The following CEP112 variants were observed in gnomAD, a reference collection of about 807,000 sequenced individuals.
The protein encoded by CEP112 is centrosomal protein of 112 kDa.
Under a neutral mutation model 153.0 loss-of-function variants are expected in CEP112, and 127 were observed. That is an observed-to-expected ratio of 0.83 (90% CI 0.72 to 0.96). The LOEUF (loss-of-function observed/expected upper bound fraction) is 0.96, where lower values mean the gene tolerates loss of function less well. Ranked by LOEUF, CEP112 falls within the 40% of genes least tolerant of loss-of-function variation. The pLI is 0.00. For missense variants in CEP112, 1,089 were observed against 1,101.2 expected, an observed-to-expected ratio of 0.99 and a Z score of 0.16; for synonymous variants, 358 against 374.4, an observed-to-expected ratio of 0.96 and a Z score of 0.51.
rs577163327 is a variant in CEP112, at chr17:65,905,444, GA to G, written c.1981-3111del. Among the ~76,000 whole-genome samples, 349 of 152,296 alleles carry G rather than the reference GA, an allele frequency of 2.3e-3. 6 individuals carry two copies. The highest frequency in any genetic ancestry group is 8.1e-3 in the African/African-American group (338 of 41,550). ...TAGAATGGTGATCATAAAAAGTCAG[GA>G]AACAACAGATGCTAGAGAGGATGTG... On this transcript the variant is annotated intron_variant, in intron 19 of 26. Coordinates refer to ENST00000535342, the MANE Select transcript of CEP112 (RefSeq NM_001199165.4).
chr17:65,738,954 G>A (rs1000373841), intron 23 of CEP112, among the ~76,000 whole-genome samples: 6 of 152,120 alleles, frequency 3.9e-5, no homozygotes, highest in Non-Finnish European at 5.9e-5. Context: ...TAGATTCTGG[G>A]CTGGCCCTAT....
intron 21 of CEP112, among the ~76,000 whole-genome samples, chr17:65,786,389 G>A (rs868518890): frequency 6.6e-6 from 1 of 151,442 alleles, no homozygotes; most frequent in Non-Finnish European, 1.5e-5. Context: ...CTTCCTTTCC[G>A]ATCGGGATGA....
chr17:65,846,606 T>C (rs2057733321), intron 21 of CEP112, among the ~76,000 whole-genome samples: 2 of 152,246 alleles, frequency 1.3e-5, no homozygotes, highest in Admixed American at 6.5e-5. Context: ...TCTCGCTCTG[T>C]TGCCTAGGCT....
chr17:66,017,983 G>C (rs1416410752), intron 16 of CEP112, among the ~76,000 whole-genome samples: 6 of 138,356 alleles, frequency 4.3e-5, no homozygotes, highest in Admixed American at 2.9e-4. Flanking sequence ...CTGGGCAACA[G>C]AGCAAGACTC....
chr17:65,943,651 T>G (rs1296631620), intron 18 of CEP112, among the ~76,000 whole-genome samples: 1 of 152,174 alleles, frequency 6.6e-6, no homozygotes, highest in Non-Finnish European at 1.5e-5. Context: ...ATTTTTTCCC[T>G]TCATTTCTAC....
chr17:65,786,940 CGT>C (rs764060866), intron 21 of CEP112, among the ~76,000 whole-genome samples: 2 of 151,972 alleles, frequency 1.3e-5, no homozygotes, highest in Non-Finnish European at 2.9e-5. Context: ...ATTTCTATGG[CGT>C]GTGTCAGAAA....
intron 9 of CEP112, among the ~76,000 whole-genome samples, chr17:66,069,275 C>T (rs1007813513): frequency 1.3e-5 from 2 of 151,858 alleles, no homozygotes; most frequent in African/African-American, 4.8e-5. Flanking sequence ...CACATACATA[C>T]ATTATTATCA....
At chr17:65,846,375 T>C (rs1379179249) in intron 21 of CEP112, among the ~76,000 whole-genome samples, 1 of 152,200 alleles carries the variant, frequency 6.6e-6, no homozygotes, top group East Asian at 1.9e-4. Flanking sequence ...TTTTAACTTA[T>C]TAAGTGATAT....
chr17:65,917,757 C>T (rs972083896), intron 19 of CEP112, among the ~76,000 whole-genome samples: 5 of 151,976 alleles, frequency 3.3e-5, no homozygotes, highest in Admixed American at 2.0e-4. Flanking sequence ...CAGCTCCCCA[C>T]GTGATGTGGG....
chr17:66,023,580 T>C (rs1247944495), intron 16 of CEP112, among the ~76,000 whole-genome samples: 1 of 152,090 alleles, frequency 6.6e-6, no homozygotes, highest in South Asian at 2.1e-4. Context: ...GTTCTAAACA[T>C]GTAAATGAAA....
chr17:66,064,545 G>A (rs187252585), intron 10 of CEP112, among the ~76,000 whole-genome samples: 15 of 151,898 alleles, frequency 9.9e-5, no homozygotes, highest in Middle Eastern at 3.4e-3. Flanking sequence ...CATTTACTTC[G>A]AGACAGCAAA....
At position 65,842,900 on chromosome 17, in the gene CEP112, T is replaced by G. The variant is rs145720171; in HGVS notation, c.2394+8904A>C. On this transcript the variant is annotated intron_variant, in intron 21 of 26. Coordinates refer to ENST00000535342, the MANE Select transcript of CEP112 (RefSeq NM_001199165.4). ...TGCCAATAATTATTTTTTAAGGTTT[T>G]TTTTGGCTTTTTAATTTTTTATTTC... Among the ~76,000 whole-genome samples the G allele has an allele frequency of 2.6e-5, 4 of 152,256 alleles. No homozygotes were observed. In the East Asian group the frequency reaches 7.7e-4, roughly 29 times the overall value.
At chr17:65,913,857 GT>G in intron 19 of CEP112, 1 of 985,232 alleles carries the variant, frequency 1.0e-6, no homozygotes, top group South Asian at 4.7e-5. Context: ...GCTATCTCCT[GT>G]GGTTATCTTC....
intron 17 of CEP112, among the ~76,000 whole-genome samples, chr17:65,983,178 T>C (rs2063290099): frequency 6.6e-6 from 1 of 152,152 alleles, no homozygotes; most frequent in Non-Finnish European, 1.5e-5. Flanking sequence ...GTACTAAATG[T>C]CACTGAATTG....
At chr17:65,869,277 T>C (rs2058575602) in intron 20 of CEP112, among the ~76,000 whole-genome samples, 1 of 152,254 alleles carries the variant, frequency 6.6e-6, no homozygotes, top group African/African-American at 2.4e-5. Flanking sequence ...CAATAAGGCA[T>C]ATTTGGTATT....
At chr17:65,770,647 T>C (rs903948690) in intron 21 of CEP112, among the ~76,000 whole-genome samples, 1 of 152,020 alleles carries the variant, frequency 6.6e-6, no homozygotes, top group Non-Finnish European at 1.5e-5. Context: ...AAAGCAATAA[T>C]AACAAATTGC....
Position 65,778,326 on chromosome 17 carries a change from C to T in CEP112, c.2395-27602G>A, listed in dbSNP as rs1049426577. ...GGATTAATGGGGCTTTTCCAGATCA[C>T]TTTTTTGCTTTGCAGTCTCTGTCCC... On this transcript the variant is annotated intron_variant, in intron 21 of 26. Coordinates refer to ENST00000535342, the MANE Select transcript of CEP112 (RefSeq NM_001199165.4). Among the ~76,000 whole-genome samples the T allele has an allele frequency of 5.3e-5, 8 of 152,292 alleles. 1 individual carries two copies. The South Asian group carries it at 6.2e-4, about 12-fold the overall frequency.
chr17:65,802,021 G>A (rs1273081535), intron 21 of CEP112, among the ~76,000 whole-genome samples: 1 of 152,060 alleles, frequency 6.6e-6, no homozygotes, highest in East Asian at 1.9e-4. Flanking sequence ...TTGTTGATGG[G>A]GACTTTTGTT....
chr17:66,043,455 C>T (rs2066070741), intron 12 of CEP112, among the ~76,000 whole-genome samples: 1 of 152,008 alleles, frequency 6.6e-6, no homozygotes, highest in Non-Finnish European at 1.5e-5. Context: ...TATAATTTTT[C>T]TTTGTAATCT....
Sources: allele counts gnomAD v4.1 joint callset (sites outside exome capture counted in the v4.1 genomes callset), GRCh38; gene constraint gnomAD v4.1.1; transcripts MANE v1.5; gene names NCBI Gene and HGNC (gene_info 2026-07-23, HGNC 2026-07-21).